The following TBCK variants were observed in gnomAD, a reference collection of about 807,000 sequenced individuals.
TBCK encodes TBC1 domain containing kinase, also known as TBC domain-containing protein kinase-like protein.
In TBCK, 99 loss-of-function variants were observed where a neutral mutation model predicts 113.4. That is an observed-to-expected ratio of 0.87 (90% CI 0.74 to 1.03). TBCK has a LOEUF of 1.03. Among genes scored for constraint, TBCK ranks in the 50% least tolerant of loss-of-function variants. The pLI is 0.00. For missense variants in TBCK, 1,045 were observed against 1,061.3 expected (o/e 0.98, Z 0.21); for synonymous variants, 369 against 370.8 (o/e 1.00, Z 0.05).
In TBCK at chr4:106,212,806, CA is replaced by C; in HGVS notation, c.1803del (p.Ile601MetfsTer8). On this transcript the variant is annotated frameshift_variant, in exon 20 of 26. Transcript: ENST00000394708. LOFTEE classifies it high-confidence loss of function. Reference sequence around the variant, plus strand: ...TTACTCAGCTCTGGATCATGAAATGCAATCATCTGAGAGAAGACAGTCAGAT... The same window carrying C: ...TTACTCAGCTCTGGATCATGAAATGCATCATCTGAGAGAAGACAGTCAGAT... ...QEYLTVFSQM[I>X]AFHDPELSNH... is the part of the protein sequence containing the mutation. 2 of 1,612,248 alleles carry C rather than the reference CA, an allele frequency of 1.2e-6. No individual in the cohort carries two copies. The highest frequency in any genetic ancestry group is 1.7e-6 in the Non-Finnish European group (2 of 1,179,024).
chr4:106,251,220 C>G (rs13113845), intron 6 of TBCK: 179,653 of 294,336 alleles, frequency 0.61, 54,590 homozygotes, highest in Non-Finnish European at 0.64. Context: ...ATTAACTGTA[C>G]ATATACCACA....
intron 25 of TBCK, among the ~76,000 whole-genome samples, chr4:106,060,229 C>A (rs965323492): frequency 5.9e-5 from 9 of 151,714 alleles, no homozygotes; most frequent in Non-Finnish European, 1.0e-4. Context: ...AATGAAGCAG[C>A]CTTTGATTGG....
At chr4:106,220,137 C>T (rs1757504401) in intron 19 of TBCK, among the ~76,000 whole-genome samples, 1 of 152,130 alleles carries the variant, frequency 6.6e-6, no homozygotes, top group African/African-American at 2.4e-5. Flanking sequence ...TGTCCCCACC[C>T]AAATCTCAAC....
chr4:106,298,513 G>A (rs1394740361), intron 2 of TBCK, among the ~76,000 whole-genome samples: 1 of 151,954 alleles, frequency 6.6e-6, no homozygotes, highest in African/African-American at 2.4e-5. Flanking sequence ...CGATGGCTGA[G>A]GCAGGAGAAT....
chr4:106,089,906 C>G (rs1332913491), intron 25 of TBCK, among the ~76,000 whole-genome samples: 1 of 152,210 alleles, frequency 6.6e-6, no homozygotes, highest in Non-Finnish European at 1.5e-5. Context: ...AGTTGAGTAC[C>G]TATGGCTTTT....
intron 3 of TBCK, among the ~76,000 whole-genome samples, chr4:106,281,596 T>C (rs369321617): frequency 1.3e-5 from 2 of 152,200 alleles, no homozygotes; most frequent in South Asian, 4.1e-4. Flanking sequence ...CTTATATCCC[T>C]AGTTTGTTAA....
intron 3 of TBCK, among the ~76,000 whole-genome samples, chr4:106,278,542 G>C: frequency 9.1e-6 from 1 of 109,984 alleles, no homozygotes; most frequent in East Asian, 3.0e-4. Flanking sequence ...CTGGGCAACA[G>C]AGTGAAACTC....
intron 2 of TBCK, 95 bp from the exon 3 acceptor site, chr4:106,295,261 C>G: frequency 3.1e-6 from 3 of 961,372 alleles, no homozygotes; most frequent in Admixed American, 2.4e-5. Flanking sequence ...ATATATAACA[C>G]CCATAACAAT....
chr4:106,115,938 C>G (rs1028015366), intron 24 of TBCK, among the ~76,000 whole-genome samples: 1 of 152,114 alleles, frequency 6.6e-6, no homozygotes, highest in African/African-American at 2.4e-5. Flanking sequence ...TCAAGAATAG[C>G]AATATACACC....
At chr4:106,234,972 T>C (rs1203442922) in intron 15 of TBCK, among the ~76,000 whole-genome samples, 1 of 152,142 alleles carries the variant, frequency 6.6e-6, no homozygotes, top group Non-Finnish European at 1.5e-5. Flanking sequence ...TAAGCAGGAC[T>C]ACCCATTTAT....
chr4:106,161,917 A>G (rs1056264858), intron 23 of TBCK, among the ~76,000 whole-genome samples: 4 of 152,122 alleles, frequency 2.6e-5, no homozygotes, highest in East Asian at 3.9e-4. Context: ...CCACTCCCAA[A>G]TCTCATGTCC....
At chr4:106,076,740 G>T (rs1301039541) in intron 25 of TBCK, among the ~76,000 whole-genome samples, 1 of 152,120 alleles carries the variant, frequency 6.6e-6, no homozygotes, top group Non-Finnish European at 1.5e-5. Context: ...GAAATCCCAA[G>T]CAATAATTTT....
At chr4:106,062,880 CTAGT>C (rs1736203653) in intron 25 of TBCK, among the ~76,000 whole-genome samples, 1 of 151,850 alleles carries the variant, frequency 6.6e-6, no homozygotes, top group Admixed American at 6.6e-5. Flanking sequence ...TATAATATTT[CTAGT>C]AAACATGTTA....
intron 3 of TBCK, among the ~76,000 whole-genome samples, chr4:106,262,520 T>C (rs774237169): frequency 1.3e-4 from 20 of 152,036 alleles, no homozygotes; most frequent in Non-Finnish European, 2.8e-4. Flanking sequence ...CTATAGCAGG[T>C]TTGGCTTCGC....
At chr4:106,063,165 C>T (rs1305548607) in intron 25 of TBCK, among the ~76,000 whole-genome samples, 1 of 151,854 alleles carries the variant, frequency 6.6e-6, no homozygotes, top group African/African-American at 2.4e-5. Context: ...CTAATATAAA[C>T]CTACAGACTA....
intron 23 of TBCK, among the ~76,000 whole-genome samples, chr4:106,166,155 C>T (rs1291773382): frequency 6.6e-6 from 1 of 151,420 alleles, no homozygotes; most frequent in Non-Finnish European, 1.5e-5. Context: ...TATCTGCTTT[C>T]TATTATACTA....
intron 25 of TBCK, among the ~76,000 whole-genome samples, chr4:106,083,148 G>A (rs574569329): frequency 9.2e-4 from 140 of 152,328 alleles, no homozygotes; most frequent in South Asian, 5.2e-3. Flanking sequence ...AGGGGCAGCA[G>A]CCAGCCCTGG....
Position 106,251,978 on chromosome 4 carries a change from A to G in TBCK, c.485T>C (p.Ile162Thr). The change falls in exon 6 of 26, where the codon ATT (isoleucine) becomes ACT (threonine). Residue 162 changes from isoleucine (I) to threonine (T), a missense_variant. Ile to Thr is a moderately conservative substitution (Grantham distance 89). Transcript: ENST00000394708. Reference protein sequence around the residue: ...GYPSYLAPEVIAQGIFKTTDH... With the variant: ...GYPSYLAPEVTAQGIFKTTDH... ...AGTGGTTTTGAAAATTCCCTGTGCA[A>G]TTACCTCAGGGGCCAAGTACGAGGG... The G allele has an allele frequency of 6.2e-7, 1 of 1,611,318 alleles. No homozygotes were observed. The highest frequency in any genetic ancestry group is 1.1e-5 in the South Asian group (1 of 90,640).
At chr4:106,082,819 G>A (rs977113585) in intron 25 of TBCK, among the ~76,000 whole-genome samples, 71 of 152,248 alleles carry the variant, frequency 4.7e-4, no homozygotes, top group African/African-American at 1.6e-3. Flanking sequence ...ACTGAGAGAA[G>A]GAAGAGCAGT....
Sources: gnomAD v4.1 joint callset for allele counts (sites outside exome capture counted in the v4.1 genomes callset) on GRCh38, gnomAD v4.1.1 for gene constraint, MANE v1.5 for transcripts, NCBI Gene and HGNC (gene_info 2026-07-23, HGNC 2026-07-21) for gene names.